FAM184A: variants seen among roughly 807,000 people sequenced by gnomAD.
FAM184A encodes family with sequence similarity 184 member A.
In FAM184A, 99 loss-of-function variants were observed where a neutral mutation model predicts 143.8. The observed-to-expected ratio is 0.69, with a 90% CI of 0.58 to 0.81. The LOEUF (loss-of-function observed/expected upper bound fraction) is 0.81, where lower values mean the gene tolerates loss of function less well. Among genes scored for constraint, FAM184A ranks in the 40% least tolerant of loss-of-function variants. FAM184A has a pLI of 0.00. For synonymous variants in FAM184A, 427 were observed against 446.4 expected (o/e 0.96, Z 0.55); for missense variants, 1,217 against 1,310.5 (o/e 0.93, Z 1.10).
upstream of FAM184A, among the ~76,000 whole-genome samples, chr6:119,079,624 T>C (rs1456917874): frequency 1.3e-5 from 2 of 152,216 alleles, no homozygotes; most frequent in African/African-American, 4.8e-5. Context: ...AACGTAGAAT[T>C]GTACCTGTTT....
chr6:118,960,184 A>C lies in FAM184A; in HGVS notation c.3342T>G (p.Ser1114Arg). 6.2e-7 allele frequency: 1 copy of C among 1,611,338 alleles called. No homozygotes were observed. Among genetic ancestry groups the C allele is most frequent in the Admixed American group, 1.7e-5 (1 of 59,236 alleles). Reference protein sequence around the residue: ...VPPKGPKTFLSPAQSEASPVA... With the variant: ...VPPKGPKTFLRPAQSEASPVA... ...CTGGAGAAGCTTCACTCTGAGCAGG[A>C]CTGAATTCATAAAAAGAGAGACATG... Residue 1114 changes from serine to arginine, a missense_variant and splice_region_variant, in exon 18 of 18, where the codon AGT becomes AGG. Transcript: ENST00000338891.
At chr6:119,097,548 A>G (rs1269968190) in intron 1 of FAM184A, among the ~76,000 whole-genome samples, 1 of 152,180 alleles carries the variant, frequency 6.6e-6, no homozygotes, top group Non-Finnish European at 1.5e-5. Context: ...TATATATATA[A>G]GTCTTTTCTA....
intron 1 of FAM184A, among the ~76,000 whole-genome samples, chr6:119,031,205 T>C (rs1476176917): frequency 6.6e-6 from 1 of 152,200 alleles, no homozygotes; most frequent in African/African-American, 2.4e-5. Flanking sequence ...AGTCCTCATT[T>C]ATGCCTGCTC....
intron 1 of FAM184A, among the ~76,000 whole-genome samples, chr6:119,131,099 T>A (rs552244345): frequency 6.6e-6 from 1 of 152,078 alleles, no homozygotes; most frequent in African/African-American, 2.4e-5. Context: ...CCTCAGGTGA[T>A]CCACCCTTCT....
At chr6:119,054,544 G>C (rs1490604536) in intron 1 of FAM184A, among the ~76,000 whole-genome samples, 1 of 152,090 alleles carries the variant, frequency 6.6e-6, no homozygotes, top group Non-Finnish European at 1.5e-5. Context: ...CCTCCTCAAG[G>C]CCTCACCTCT....
At chr6:119,074,581 A>G (rs952599043) in intron 1 of FAM184A, among the ~76,000 whole-genome samples, 3 of 152,092 alleles carry the variant, frequency 2.0e-5, no homozygotes, top group Non-Finnish European at 4.4e-5. Flanking sequence ...ACAAAAAGGG[A>G]AAAAAAGTAA....
intron 1 of FAM184A, among the ~76,000 whole-genome samples, chr6:119,106,616 T>C (rs1361092476): frequency 1.3e-5 from 2 of 152,250 alleles, no homozygotes; most frequent in African/African-American, 2.4e-5. Flanking sequence ...AAACTCAGTA[T>C]AACTACTTAA....
At chr6:118,970,107 G>A (rs1250881983) in intron 14 of FAM184A, among the ~76,000 whole-genome samples, 2 of 146,188 alleles carry the variant, frequency 1.4e-5, no homozygotes, top group Admixed American at 6.9e-5. Context: ...GGGTCCAGGC[G>A]ATTCTCCTGC....
chr6:119,086,563 A>G (rs1788228325), intron 1 of FAM184A, among the ~76,000 whole-genome samples: 1 of 152,202 alleles, frequency 6.6e-6, no homozygotes, highest in South Asian at 2.1e-4. Flanking sequence ...AGATGAGAGC[A>G]TGACCTATTT....
intron 1 of FAM184A, among the ~76,000 whole-genome samples, chr6:119,085,853 A>G (rs923644358): frequency 1.3e-5 from 2 of 152,232 alleles, no homozygotes; most frequent in African/African-American, 4.8e-5. Context: ...CACGTCTTAC[A>G]TGGCCAGAGC....
chr6:119,047,921 A>G (rs1357193929), intron 1 of FAM184A, among the ~76,000 whole-genome samples: 3 of 152,146 alleles, frequency 2.0e-5, no homozygotes, highest in African/African-American at 7.2e-5. Context: ...AGAGACACAC[A>G]CAGAAAAAAA....
intron 14 of FAM184A, among the ~76,000 whole-genome samples, chr6:118,974,129 A>G (rs1783777198): frequency 6.6e-6 from 1 of 152,166 alleles, no homozygotes; most frequent in African/African-American, 2.4e-5. Context: ...TTAACATTAT[A>G]TATAGCCATA....
chr6:119,046,326 C>T (rs770385083), intron 1 of FAM184A, among the ~76,000 whole-genome samples: 16 of 150,874 alleles, frequency 1.1e-4, no homozygotes, highest in Non-Finnish European at 1.8e-4. Context: ...TGGGTTCAAG[C>T]GATCCTCCTG....
chr6:119,001,493 T>C (rs1273517991), intron 9 of FAM184A, among the ~76,000 whole-genome samples: 2 of 152,044 alleles, frequency 1.3e-5, no homozygotes, highest in African/African-American at 4.8e-5. Context: ...TATTTTATGA[T>C]ATACAGAACC....
intron 1 of FAM184A, among the ~76,000 whole-genome samples, chr6:119,034,578 T>A (rs116614090): frequency 0.22 from 19,501 of 88,274 alleles, 1,413 homozygotes; most frequent in Non-Finnish European, 0.28. Flanking sequence ...TTTTTTTTTT[T>A]TTAAAAAAAC....
At chr6:119,111,749 A>G (rs988502323) in intron 1 of FAM184A, among the ~76,000 whole-genome samples, 4 of 152,222 alleles carry the variant, frequency 2.6e-5, no homozygotes, top group African/African-American at 9.6e-5. Flanking sequence ...TTAATGTACT[A>G]CGAAAAATGC....
intron 1 of FAM184A, among the ~76,000 whole-genome samples, chr6:119,068,439 G>C (rs891629822): frequency 6.6e-6 from 1 of 152,114 alleles, no homozygotes; most frequent in Non-Finnish European, 1.5e-5. Flanking sequence ...TCTCTCTCCT[G>C]CATCAATTAT....
chr6:119,000,921 T>TA (rs969569541), intron 9 of FAM184A, among the ~76,000 whole-genome samples: 1 of 150,226 alleles, frequency 6.7e-6, no homozygotes, highest in African/African-American at 2.5e-5. Flanking sequence ...GTCCTAGGGG[T>TA]AGGGCTGGGG....
intron 1 of FAM184A, among the ~76,000 whole-genome samples, chr6:119,109,734 T>A (rs1232710341): frequency 6.6e-6 from 1 of 152,216 alleles, no homozygotes; most frequent in East Asian, 1.9e-4. Context: ...TCTGCTTTTA[T>A]TATTTAAAAT....
Sources: gnomAD v4.1 joint callset for allele counts (sites outside exome capture counted in the v4.1 genomes callset) on GRCh38, gnomAD v4.1.1 for gene constraint, MANE v1.5 for transcripts, NCBI Gene and HGNC (gene_info 2026-07-23, HGNC 2026-07-21) for gene names.